FER: variants seen among roughly 807,000 people sequenced by gnomAD.
FER encodes the protein tyrosine-protein kinase Fer.
FER carries 63 observed loss-of-function variants against 111.0 expected under a neutral mutation model. The ratio of observed to expected loss-of-function variants is 0.57; its 90% confidence interval spans 0.46 to 0.70. The LOEUF is 0.70. FER is among the 30% of genes least tolerant of loss of function. FER has a pLI of 0.00. For missense variants in FER, 914 were observed against 954.0 expected, an observed-to-expected ratio of 0.96 and a Z score of 0.55; for synonymous variants, 327 against 313.9, an observed-to-expected ratio of 1.04 and a Z score of -0.44.
At chr5:109,171,994 G>C (rs899935070) in intron 17 of FER, among the ~76,000 whole-genome samples, 1 of 152,174 alleles carries the variant, frequency 6.6e-6, no homozygotes, top group Non-Finnish European at 1.5e-5. Context: ...ACAGGTGCTG[G>C]AGAGGATGTG....
chr5:108,991,018 A>G (rs181278956), intron 13 of FER, among the ~76,000 whole-genome samples: 1,908 of 151,516 alleles, frequency 0.013, 24 homozygotes, highest in Non-Finnish European at 0.018. Flanking sequence ...GTTTGACATA[A>G]ATATTTAATA....
chr5:109,188,739 A>G lies in FER; in HGVS notation c.*1164A>G, dbSNP rs1759146791. On this transcript the variant is annotated 3_prime_UTR_variant, in exon 20 of 20. Coordinates refer to ENST00000281092, the MANE Select transcript of FER (RefSeq NM_005246.4). ...CGTAGAGTCCTCGTAATGGCAACAA[A>G]AATTTTGAGAGAAACTGCAAAGCAC... 6.6e-6 allele frequency: 1 copy of G among 152,176 alleles called. No individual in the cohort carries two copies. Among genetic ancestry groups the G allele is most frequent in the Non-Finnish European group, 1.5e-5 (1 of 68,014 alleles). 9.4% of individuals were successfully genotyped at this position (152,176 alleles called of 1,614,324 possible).
intron 5 of FER, among the ~76,000 whole-genome samples, chr5:108,839,838 A>G (rs1761080261): frequency 6.6e-6 from 1 of 151,866 alleles, no homozygotes; most frequent in African/African-American, 2.4e-5. Flanking sequence ...TCGCCTCCCA[A>G]ACTGCTGGGA....
intron 2 of FER, among the ~76,000 whole-genome samples, chr5:108,773,513 A>T (rs1203153365): frequency 6.6e-6 from 1 of 152,180 alleles, no homozygotes; most frequent in Non-Finnish European, 1.5e-5. Context: ...ATGTCCTTTC[A>T]AAGGACATAA....
chr5:109,033,961 C>T (rs1455278806), intron 13 of FER, among the ~76,000 whole-genome samples: 2 of 152,150 alleles, frequency 1.3e-5, no homozygotes, highest in South Asian at 4.1e-4. Context: ...ATATCCATCA[C>T]TTCACATAAC....
chr5:109,122,560 C>T (rs1371739928), intron 17 of FER, among the ~76,000 whole-genome samples: 2 of 149,690 alleles, frequency 1.3e-5, no homozygotes, highest in African/African-American at 2.4e-5. Context: ...TTTGGTGAAA[C>T]GTTCTGTAAA....
intron 17 of FER, among the ~76,000 whole-genome samples, chr5:109,170,060 A>G (rs1044383915): frequency 1.3e-5 from 2 of 152,216 alleles, no homozygotes; most frequent in East Asian, 1.9e-4. Flanking sequence ...CACCTTGTGC[A>G]TCACAGATTA....
chr5:108,769,938 A>G (rs1280019933), intron 2 of FER, among the ~76,000 whole-genome samples: 1 of 151,508 alleles, frequency 6.6e-6, no homozygotes, highest in Non-Finnish European at 1.5e-5. Flanking sequence ...TCCACTGATG[A>G]TGATGATGAT....
At chr5:108,825,244 G>A (rs895405835) in intron 3 of FER, among the ~76,000 whole-genome samples, 7 of 152,128 alleles carry the variant, frequency 4.6e-5, no homozygotes, top group East Asian at 1.9e-4. Flanking sequence ...GCCTGGGAGC[G>A]CTATGGGAGA....
chr5:108,794,198 C>T (rs1755722839), intron 2 of FER, among the ~76,000 whole-genome samples: 1 of 151,554 alleles, frequency 6.6e-6, no homozygotes, highest in South Asian at 2.1e-4. Flanking sequence ...TGATTAATCC[C>T]CCTTAGCATT....
At chr5:109,171,210 T>C (rs542845985) in intron 17 of FER, among the ~76,000 whole-genome samples, 155 of 152,220 alleles carry the variant, frequency 1.0e-3, no homozygotes, top group Non-Finnish European at 1.7e-3. Context: ...GTGCAAAGGA[T>C]CATAAAATTG....
At chr5:108,990,968 A>G (rs1763090008) in intron 13 of FER, among the ~76,000 whole-genome samples, 1 of 151,796 alleles carries the variant, frequency 6.6e-6, no homozygotes, top group Admixed American at 6.6e-5. Context: ...GGCTTTGTTG[A>G]GAATTAGAAT....
At chr5:108,867,511 T>C (rs1764184493) in intron 5 of FER, among the ~76,000 whole-genome samples, 1 of 152,096 alleles carries the variant, frequency 6.6e-6, no homozygotes, top group South Asian at 2.1e-4. Flanking sequence ...ATATCTGTAC[T>C]TTTTTGTGTT....
intron 5 of FER, among the ~76,000 whole-genome samples, chr5:108,845,533 C>A (rs1761946690): frequency 6.6e-6 from 1 of 152,036 alleles, no homozygotes; most frequent in African/African-American, 2.4e-5. Context: ...CTTATAGGAT[C>A]ATGTTATCTA....
At chr5:108,817,263 C>A (rs554648917) in intron 3 of FER, among the ~76,000 whole-genome samples, 14 of 151,726 alleles carry the variant, frequency 9.2e-5, no homozygotes, top group Admixed American at 2.6e-4. Context: ...TTTGAACTTG[C>A]GATTGAATCT....
intron 17 of FER, among the ~76,000 whole-genome samples, chr5:109,146,253 AATATATATATATATAT>A (rs6149172): frequency 1.9e-4 from 8 of 42,128 alleles, no homozygotes; most frequent in South Asian, 1.4e-3. Flanking sequence ...TAATCTATCT[AATATATATATATATAT>A]ATATATATAT....
chr5:109,071,478 A>G (rs1775755117), intron 16 of FER, among the ~76,000 whole-genome samples: 1 of 150,444 alleles, frequency 6.6e-6, no homozygotes, highest in Non-Finnish European at 1.5e-5. Context: ...AAACCATTTT[A>G]TAGTGACAAA....
chr5:108,786,999 C>T (rs1363862443), intron 2 of FER, among the ~76,000 whole-genome samples: 1 of 152,118 alleles, frequency 6.6e-6, no homozygotes, highest in Non-Finnish European at 1.5e-5. Flanking sequence ...GCCAGGGCTG[C>T]ACCCATCGGG....
chr5:109,018,777 A>G (rs1194010341), intron 13 of FER, among the ~76,000 whole-genome samples: 2 of 151,806 alleles, frequency 1.3e-5, no homozygotes, highest in Non-Finnish European at 2.9e-5. Context: ...TAAGCAAAAT[A>G]TGAACCTTTA....
Sources: allele counts gnomAD v4.1 joint callset (sites outside exome capture counted in the v4.1 genomes callset), GRCh38; gene constraint gnomAD v4.1.1; transcripts MANE v1.5; gene names NCBI Gene and HGNC (gene_info 2026-07-23, HGNC 2026-07-21).